Variants in TLE4 observed in about 807,000 individuals in gnomAD.
TLE4 encodes the protein TLE family member 4, transcriptional corepressor, also known as transducin-like enhancer protein 4.
In TLE4, 8 loss-of-function variants were observed where a neutral mutation model predicts 92.8. That is an observed-to-expected ratio of 0.09 (90% CI 0.05 to 0.16). The LOEUF is 0.16. TLE4 is among the 10% of genes least tolerant of loss of function. The probability of loss-of-function intolerance (pLI) is 1.00; values close to 1 mark genes in which losing one functional copy is unlikely to be tolerated. For synonymous variants in TLE4, 371 were observed against 374.1 expected (o/e 0.99, Z 0.10); for missense variants, 675 against 997.6 (o/e 0.68, Z 4.36).
At chr9:79,654,343 A>T (rs1285336619) in intron 8 of TLE4, among the ~76,000 whole-genome samples, 2 of 151,810 alleles carry the variant, frequency 1.3e-5, no homozygotes, top group East Asian at 3.9e-4. Flanking sequence ...TGCCATGTGA[A>T]AAAAAAATAA....
chr9:79,610,324 CA>C (rs1308142633), intron 4 of TLE4, among the ~76,000 whole-genome samples: 2 of 152,034 alleles, frequency 1.3e-5, no homozygotes, highest in African/African-American at 2.4e-5. Flanking sequence ...GACTCAGTTT[CA>C]AAACATAGGC....
In TLE4 at chr9:79,652,637, C is replaced by T. The variant is rs3186577; in HGVS notation, c.435C>T (p.Pro145=). ...ATTTATCACATGGACATGGTCTCCC[C>T]GTACCTCTGACTCCACACCCTTCAG... is the stretch of plus-strand genomic sequence containing the variant. ...AQHLSHGHGL[P]VPLTPHPSGL... The change falls in exon 7 of 20, where the codon CCC becomes CCT. Residue 145 remains proline (P), a synonymous_variant. Transcript: ENST00000376552. The T allele has an allele frequency of 7.4e-6, 12 of 1,614,068 alleles. No homozygotes were observed. The highest frequency in any genetic ancestry group is 2.2e-5 in the East Asian group (1 of 44,894).
chr9:79,685,784 A>G (rs1276938264), intron 8 of TLE4, among the ~76,000 whole-genome samples: 1 of 152,172 alleles, frequency 6.6e-6, no homozygotes, highest in Non-Finnish European at 1.5e-5. Context: ...TTTGTTTTTT[A>G]GCTACTTTGT....
At position 79,637,636 on chromosome 9, in the gene TLE4, C is replaced by A. The variant is rs535398699; in HGVS notation, c.390+10188C>A. ...CTAAATTGTCTGAATTATATTAGTT[C>A]CACAGGTCAGTTGGATACTCTTGAC... On this transcript the variant is annotated intron_variant, in intron 6 of 19. Coordinates refer to ENST00000376552, the MANE Select transcript of TLE4 (RefSeq NM_007005.6). 4.6e-5 allele frequency among the ~76,000 whole-genome samples: 7 copies of A among 152,268 alleles called. No individual in the cohort carries two copies. In the South Asian group the frequency reaches 1.5e-3, roughly 32 times the overall value.
At chr9:79,690,127 C>G (rs190876929) in intron 8 of TLE4, among the ~76,000 whole-genome samples, 29 of 152,312 alleles carry the variant, frequency 1.9e-4, no homozygotes, top group Non-Finnish European at 3.2e-4. Flanking sequence ...CTATACCTTA[C>G]TCTTCCTCTC....
intron 4 of TLE4, among the ~76,000 whole-genome samples, chr9:79,585,123 A>G (rs949525536): frequency 2.6e-5 from 4 of 152,062 alleles, no homozygotes; most frequent in Non-Finnish European, 4.4e-5. Flanking sequence ...AAATGTCTTA[A>G]TTTTTTTTAT....
At chr9:79,617,399 G>T (rs1458145747) in intron 5 of TLE4, among the ~76,000 whole-genome samples, 1 of 152,132 alleles carries the variant, frequency 6.6e-6, no homozygotes, top group African/African-American at 2.4e-5. Context: ...TTAAGATAGG[G>T]TATGTTTCAC....
intron 8 of TLE4, among the ~76,000 whole-genome samples, chr9:79,681,022 G>A (rs1165999659): frequency 1.3e-5 from 2 of 152,004 alleles, no homozygotes; most frequent in South Asian, 2.1e-4. Context: ...TGCTGGATTC[G>A]TTTTGCCAGT....
At chr9:79,666,502 G>GTGT (rs1388813268) in intron 8 of TLE4, among the ~76,000 whole-genome samples, 1 of 152,166 alleles carries the variant, frequency 6.6e-6, no homozygotes, top group Admixed American at 6.5e-5. Context: ...GCCTCCCAAA[G>GTGT]TGTTGGGATT....
At chr9:79,640,420 T>C (rs969761284) in intron 6 of TLE4, among the ~76,000 whole-genome samples, 1 of 152,138 alleles carries the variant, frequency 6.6e-6, no homozygotes, top group African/African-American at 2.4e-5. Context: ...TGTGTGGCTT[T>C]TAATTTTTTT....
rs1554757244 is a variant in TLE4 at position 79,666,219 on chromosome 9, T to TTTG, written c.609+12146_609+12147insGTT. On this transcript the variant is annotated intron_variant, in intron 8 of 19. Transcript: ENST00000376552. ...TGTGGGTGGGGTTTTTTTTTTTTGT[T>TTTG]TTTTTTTTTTTTTTTTTTTTGAGAA... 1.4e-3 allele frequency among the ~76,000 whole-genome samples: 60 copies of TTTG among 41,580 alleles called. 1 individual carries two copies. The highest frequency in any genetic ancestry group is 3.1e-3 in the African/African-American group (53 of 17,238). The allele number at this position is 41,580 out of a possible 152,430, so 27.3% of individuals were successfully genotyped here. A position where few individuals can be genotyped will look rare whatever the true frequency, so the allele number is the denominator to read the frequency against.
chr9:79,579,747 A>G (rs554311158), intron 4 of TLE4, among the ~76,000 whole-genome samples: 35 of 152,310 alleles, frequency 2.3e-4, no homozygotes, highest in African/African-American at 7.9e-4. Flanking sequence ...TGTAAATTTT[A>G]TTACGAGACT....
intron 6 of TLE4, among the ~76,000 whole-genome samples, chr9:79,637,894 GGA>G (rs2056297891): frequency 6.6e-6 from 1 of 151,998 alleles, no homozygotes; most frequent in Non-Finnish European, 1.5e-5. Flanking sequence ...AGTTTTTGGA[GGA>G]GAGTGTTCAC....
chr9:79,631,800 T>C (rs1228600339), intron 6 of TLE4, among the ~76,000 whole-genome samples: 1 of 152,012 alleles, frequency 6.6e-6, no homozygotes, highest in African/African-American at 2.4e-5. Context: ...GTGGTCATTT[T>C]CCTTGTATTC....
intron 4 of TLE4, among the ~76,000 whole-genome samples, chr9:79,596,506 C>T (rs1451547994): frequency 2.0e-5 from 3 of 152,208 alleles, no homozygotes; most frequent in Non-Finnish European, 4.4e-5. Flanking sequence ...CACTTGTCTT[C>T]TGCCACTGTA....
chr9:79,708,533 A>G (rs1320976630), intron 12 of TLE4, 60 bp from the exon 13 acceptor site: 1 of 1,470,300 alleles, frequency 6.8e-7, no homozygotes, highest in East Asian at 2.3e-5. Flanking sequence ...CATGTTTACA[A>G]ATGTCTTCAC....
At chr9:79,670,415 C>T (rs1364628355) in intron 8 of TLE4, among the ~76,000 whole-genome samples, 3 of 152,066 alleles carry the variant, frequency 2.0e-5, no homozygotes, top group African/African-American at 7.2e-5. Context: ...TACACTGCAC[C>T]CTCAGGCAGT....
At position 79,646,257 on chromosome 9, in the gene TLE4, T is replaced by C. The variant is rs565486539; in HGVS notation, c.391-6336T>C. Among the ~76,000 whole-genome samples the C allele has an allele frequency of 4.2e-4, 64 of 152,302 alleles. 1 individual carries two copies. In the South Asian group the frequency reaches 6.2e-3, roughly 15 times the overall value. On this transcript the variant is annotated intron_variant, in intron 6 of 19. Coordinates refer to ENST00000376552, the MANE Select transcript of TLE4 (RefSeq NM_007005.6). The stretch of plus-strand genomic sequence containing the variant: ...AAAGTAGAATATCTTTGCAGGTTAA[T>C]TGCTCTGTAATTAACCCAGATGGGG...
At chr9:79,652,494 G>A in intron 6 of TLE4, 99 bp from the exon 7 acceptor site, 1 of 1,417,378 alleles carries the variant, frequency 7.1e-7, no homozygotes, top group Non-Finnish European at 9.9e-7. Flanking sequence ...GCCGGTGTTG[G>A]CTTTTTTACT....
Sources: gnomAD v4.1 joint callset for allele counts (sites outside exome capture counted in the v4.1 genomes callset) on GRCh38, gnomAD v4.1.1 for gene constraint, MANE v1.5 for transcripts, NCBI Gene and HGNC (gene_info 2026-07-23, HGNC 2026-07-21) for gene names.